Variants in ZC3H12B observed in about 807,000 individuals in gnomAD.
ZC3H12B encodes probable ribonuclease ZC3H12B.
ZC3H12B carries 7 observed loss-of-function variants against 43.9 expected under a neutral mutation model. The observed-to-expected ratio is 0.16, with a 90% CI of 0.09 to 0.30. The LOEUF is 0.30. ZC3H12B is among the 10% of genes least tolerant of loss of function. The pLI is 1.00. For missense variants in ZC3H12B, 475 were observed against 670.2 expected (o/e 0.71, Z 3.22); for synonymous variants, 222 against 241.7 (o/e 0.92, Z 0.76).
the ZC3H12B span, among the ~76,000 whole-genome samples, chrX:65,209,763 A>G: frequency 9.5e-6 from 1 of 105,680 alleles, no homozygotes; most frequent in South Asian, 4.3e-4. Context: ...AAATAATGCC[A>G]CATATCTACA....
chrX:65,361,659 C>G (rs988350007), upstream of ZC3H12B, among the ~76,000 whole-genome samples: 1 of 110,388 alleles, frequency 9.1e-6, no homozygotes, highest in African/African-American at 3.3e-5. Context: ...TTGGCAACAA[C>G]CCTTAGACAC....
chrX:65,386,820 T>C (rs1401557167), intron 2 of ZC3H12B, among the ~76,000 whole-genome samples: 1 of 111,576 alleles, frequency 9.0e-6, no homozygotes, highest in Non-Finnish European at 1.9e-5. Flanking sequence ...GCTTTGAATG[T>C]GTCCCAGAGA....
the ZC3H12B span, among the ~76,000 whole-genome samples, chrX:65,212,682 T>A: frequency 2.2e-5 from 2 of 89,395 alleles, no homozygotes; most frequent in African/African-American, 4.1e-5. Context: ...ATGATTTATA[T>A]ATCATATATA....
the ZC3H12B span, among the ~76,000 whole-genome samples, chrX:65,116,244 C>T: frequency 1.4e-4 from 16 of 111,338 alleles, no homozygotes; most frequent in Non-Finnish European, 2.8e-4. Flanking sequence ...GAGATGAGAT[C>T]CACTTGGATT....
chrX:65,170,839 T>C, the ZC3H12B span, among the ~76,000 whole-genome samples: 18 of 112,313 alleles, frequency 1.6e-4, no homozygotes, highest in Middle Eastern at 4.6e-3. Flanking sequence ...CTACTGAAGC[T>C]TGTGCATGCG....
chrX:65,193,268 G>C, the ZC3H12B span, among the ~76,000 whole-genome samples: 1 of 111,094 alleles, frequency 9.0e-6, no homozygotes, highest in Non-Finnish European at 1.9e-5. Flanking sequence ...GTGAGATTCA[G>C]CAGTGAAGCC....
chrX:65,459,729 T>G (rs1345179368), intron 3 of ZC3H12B, among the ~76,000 whole-genome samples: 1 of 111,674 alleles, frequency 9.0e-6, no homozygotes, highest in Non-Finnish European at 1.9e-5. Context: ...GAGCTATTTA[T>G]GACAACCCCA....
chrX:65,334,489 TA>T, the ZC3H12B span, among the ~76,000 whole-genome samples: 3 of 112,355 alleles, frequency 2.7e-5, no homozygotes, highest in Non-Finnish European at 5.6e-5. Flanking sequence ...AAATTGTTTT[TA>T]TTTTTCAAAG....
chrX:65,044,963 C>G, the ZC3H12B span, among the ~76,000 whole-genome samples: 6 of 107,516 alleles, frequency 5.6e-5, no homozygotes, highest in Admixed American at 6.0e-4. Flanking sequence ...GACCTCATCC[C>G]TACTTAAAAA....
At chrX:65,352,090 G>A in the ZC3H12B span, among the ~76,000 whole-genome samples, 2 of 112,251 alleles carry the variant, frequency 1.8e-5, no homozygotes, top group East Asian at 5.5e-4. Flanking sequence ...ATAATAGACT[G>A]GATAAAGAAA....
At chrX:65,396,313 G>A (rs895330635) in intron 2 of ZC3H12B, among the ~76,000 whole-genome samples, 1 of 111,973 alleles carries the variant, frequency 8.9e-6, no homozygotes, top group African/African-American at 3.2e-5. Context: ...TCTGATGTGG[G>A]CATTTAGTGC....
chrX:65,408,399 A>T, intron 3 of ZC3H12B: 1 of 1,204,425 alleles, frequency 8.3e-7, no homozygotes, highest in Non-Finnish European at 1.1e-6. Context: ...CAGGTGGCCC[A>T]GGCTGTCGAA....
chrX:65,351,001 G>A, the ZC3H12B span, among the ~76,000 whole-genome samples: 1 of 111,962 alleles, frequency 8.9e-6, no homozygotes, highest in African/African-American at 3.2e-5. Context: ...CCAAAAAAGA[G>A]CACGCATAAA....
the ZC3H12B span, among the ~76,000 whole-genome samples, chrX:65,314,708 A>C: frequency 9.0e-6 from 1 of 111,527 alleles, no homozygotes; most frequent in Non-Finnish European, 1.9e-5. Flanking sequence ...ATAATTCAGA[A>C]ATGAAGAGCA....
the ZC3H12B span, among the ~76,000 whole-genome samples, chrX:65,203,719 C>T: frequency 9.0e-6 from 1 of 111,543 alleles, no homozygotes; most frequent in East Asian, 2.8e-4. Flanking sequence ...GTGGCAAGCA[C>T]TGTCTTGGTC....
intron 2 of ZC3H12B, among the ~76,000 whole-genome samples, chrX:65,373,421 G>T (rs1487339882): frequency 1.8e-5 from 2 of 111,342 alleles, no homozygotes; most frequent in East Asian, 5.7e-4. Context: ...AAATCATGCT[G>T]CTATAAAGAC....
At chrX:65,170,197 C>CT in the ZC3H12B span, among the ~76,000 whole-genome samples, 1 of 111,645 alleles carries the variant, frequency 9.0e-6, no homozygotes, top group Admixed American at 9.6e-5. Context: ...ATGGTTAGTG[C>CT]TTTTTTCATG....
chrX:65,398,435 C>A (rs1211334931), intron 2 of ZC3H12B, among the ~76,000 whole-genome samples, 158 bp from the exon 5 acceptor site: 2 of 111,700 alleles, frequency 1.8e-5, no homozygotes, highest in African/African-American at 6.5e-5. Context: ...GAATTGTAAT[C>A]CCCATGTGTC....
At chrX:65,119,645 G>C in the ZC3H12B span, among the ~76,000 whole-genome samples, 5 of 111,512 alleles carry the variant, frequency 4.5e-5, no homozygotes, top group Admixed American at 4.8e-4. Flanking sequence ...AATCTCTTTA[G>C]TTTAATTAGA....
Sources: allele counts gnomAD v4.1 joint callset (sites outside exome capture counted in the v4.1 genomes callset), GRCh38; gene constraint gnomAD v4.1.1; transcripts MANE v1.5; gene names NCBI Gene and HGNC (gene_info 2026-07-23, HGNC 2026-07-21).